The following AVEN variants were observed in gnomAD, a reference collection of about 807,000 sequenced individuals.
AVEN encodes the protein apoptosis and caspase activation inhibitor, also known as cell death regulator Aven.
AVEN carries 41 observed loss-of-function variants against 38.1 expected under a neutral mutation model. That is an observed-to-expected ratio of 1.08 (90% confidence interval 0.84 to 1.40). The LOEUF (loss-of-function observed/expected upper bound fraction) is 1.40, where lower values mean the gene tolerates loss of function less well. Among genes scored for constraint, AVEN ranks in the 40% most tolerant of loss-of-function variants. AVEN has a pLI of 0.00. For missense variants in AVEN, 605 were observed against 438.8 expected (o/e 1.38, Z -3.38); for synonymous variants, 206 against 171.8 (o/e 1.20, Z -1.56).
chr15:33,902,992 G>A (rs757030473), intron 2 of AVEN, among the ~76,000 whole-genome samples: 15 of 152,024 alleles, frequency 9.9e-5, no homozygotes, highest in Admixed American at 5.9e-4. Context: ...TCTTTTGGCC[G>A]CCAGGATCTG....
intron 2 of AVEN, among the ~76,000 whole-genome samples, chr15:33,946,533 G>T (rs1276763476): frequency 6.6e-6 from 1 of 152,158 alleles, no homozygotes; most frequent in Non-Finnish European, 1.5e-5. Context: ...TGCCCTCATG[G>T]AACTTACATT....
Position 33,916,046 on chromosome 15 carries a change from G to C in AVEN, c.446-40051C>G, listed in dbSNP as rs572752528. 3.9e-5 allele frequency among the ~76,000 whole-genome samples: 6 copies of C among 152,152 alleles called. No homozygotes were observed. The East Asian group carries it at 1.2e-3, about 29-fold the overall frequency. On this transcript the variant is annotated intron_variant, in intron 2 of 5. Transcript: ENST00000306730. ...CCCACCCACGGAGAGTCTGAGCTCA[G>C]ACACGCCCAACCCTGCTCCCATCTG...
At chr15:33,938,482 T>C (rs927120739) in intron 2 of AVEN, among the ~76,000 whole-genome samples, 1 of 151,642 alleles carries the variant, frequency 6.6e-6, no homozygotes, top group African/African-American at 2.4e-5. Context: ...AAATAAAAAA[T>C]AAAATTTAAA....
rs1227078806 is a variant in AVEN, at chr15:34,038,991, C to T, written c.56G>A (p.Arg19Gln). 2 of 1,116,602 alleles carry T rather than the reference C, an allele frequency of 1.8e-6. No individual in the cohort carries two copies. Among genetic ancestry groups the T allele is most frequent in the Non-Finnish European group, 1.1e-6 (1 of 916,538 alleles). The allele number at this position is 1,116,602 out of a possible 1,614,324, so 69.2% of individuals were successfully genotyped here. A position where few individuals can be genotyped will look rare whatever the true frequency, so the allele number is the denominator to read the frequency against. Residue 19 changes from arginine to glutamine, a missense_variant, in exon 1 of 6, where the codon CGG becomes CAG. By Grantham distance (43) the Arg-to-Gln change is conservative. Coordinates refer to ENST00000306730, the MANE Select transcript of AVEN (RefSeq NM_020371.3). ...CTCGCTGTGGCGATCTCCGCCAGGC[C>T]GGCCGCGGCCTGGCCGCCGCCCACG... ...GGRGRRPGRG[R>Q]PGGDRHSERP...
rs560309192 is a variant in AVEN at position 33,968,949 on chromosome 15, T to A, written c.445+34083A>T. ...TCACCCTTCTGGTTCTATAATCCTA[T>A]CCAAATGGAGTCTTCATCTACCGCA... is the stretch of plus-strand genomic sequence containing the variant. On this transcript the variant is annotated intron_variant, in intron 2 of 5. Coordinates refer to ENST00000306730, the MANE Select transcript of AVEN (RefSeq NM_020371.3). 6 of 152,158 alleles carry A rather than the reference T, an allele frequency of 3.9e-5. No homozygotes were observed. The South Asian group carries it at 1.2e-3, about 32-fold the overall frequency. 9.4% of individuals were successfully genotyped at this position (152,158 alleles called of 1,614,324 possible). A position where few individuals can be genotyped will look rare whatever the true frequency, so the allele number is the denominator to read the frequency against.
chr15:33,964,859 T>TG (rs1567437202), intron 2 of AVEN, among the ~76,000 whole-genome samples: 1 of 152,214 alleles, frequency 6.6e-6, no homozygotes, highest in Non-Finnish European at 1.5e-5. Context: ...ATGTTAGTCA[T>TG]GCTGGAGAGA....
chr15:34,011,197 A>C (rs1047442315), intron 1 of AVEN, among the ~76,000 whole-genome samples: 11 of 152,124 alleles, frequency 7.2e-5, no homozygotes, highest in African/African-American at 2.7e-4. Context: ...GTCTCAAAAA[A>C]AACTTTGTTT....
At chr15:33,987,203 T>C (rs1313058179) in intron 2 of AVEN, among the ~76,000 whole-genome samples, 3 of 152,370 alleles carry the variant, frequency 2.0e-5, no homozygotes, top group East Asian at 3.9e-4. Context: ...ACTCCACATA[T>C]GACAGTGACT....
chr15:33,994,530 T>A (rs865774049), intron 2 of AVEN, among the ~76,000 whole-genome samples: 1 of 152,050 alleles, frequency 6.6e-6, no homozygotes, highest in Non-Finnish European at 1.5e-5. Context: ...TGTGGAAAAA[T>A]TGTCTTCCAC....
chr15:33,931,579 C>T (rs1011168520), intron 2 of AVEN, among the ~76,000 whole-genome samples: 1 of 151,726 alleles, frequency 6.6e-6, no homozygotes, highest in Non-Finnish European at 1.5e-5. Flanking sequence ...ACTGTGTTAG[C>T]CAGGATGGTC....
At chr15:33,895,680 T>C (rs1185228752) in intron 2 of AVEN, among the ~76,000 whole-genome samples, 1 of 152,144 alleles carries the variant, frequency 6.6e-6, no homozygotes, top group Non-Finnish European at 1.5e-5. Flanking sequence ...CTGGTTTACC[T>C]ACCTCCAATA....
At chr15:33,967,061 C>G (rs955050400) in intron 2 of AVEN, among the ~76,000 whole-genome samples, 1 of 152,108 alleles carries the variant, frequency 6.6e-6, no homozygotes, top group African/African-American at 2.4e-5. Context: ...AATGACCAAT[C>G]ATTACCATAT....
chr15:34,046,287 G>A (rs571665694), intron 5 of AVEN, among the ~76,000 whole-genome samples: 2 of 146,298 alleles, frequency 1.4e-5, no homozygotes, highest in South Asian at 4.3e-4. Flanking sequence ...TTTGTGGAAA[G>A]ATCTGTCCAG....
rs200787567 is a variant in AVEN at position 34,072,456 on chromosome 15, C to CA, written n.721-1806dup. The stretch of plus-strand genomic sequence containing the variant: ...TGAAACCCCGTCTCTACTAAAAATA[C>CA]AAAAAAATTAGCTGGGTGTGGTGGT... On this transcript the variant is annotated intron_variant and non_coding_transcript_variant, in intron 1 of 11. Transcript: ENST00000675287. 7.0e-3 allele frequency among the ~76,000 whole-genome samples: 1,052 copies of CA among 150,182 alleles called. 16 individuals are homozygous for CA. The highest frequency in any genetic ancestry group is 0.024 in the African/African-American group (991 of 40,938).
intron 2 of AVEN, among the ~76,000 whole-genome samples, chr15:33,956,792 T>C (rs1324557686): frequency 6.6e-6 from 1 of 151,010 alleles, no homozygotes; most frequent in Non-Finnish European, 1.5e-5. Flanking sequence ...TTACATTAAG[T>C]TTTTGTTTTG....
intron 2 of AVEN, among the ~76,000 whole-genome samples, chr15:33,988,755 A>G (rs904981585): frequency 3.9e-5 from 6 of 152,372 alleles, no homozygotes; most frequent in Admixed American, 3.9e-4. Flanking sequence ...TACAGGGTTG[A>G]AAAAACTCCT....
chr15:33,914,770 T>A (rs924629505), intron 2 of AVEN, among the ~76,000 whole-genome samples: 31 of 151,826 alleles, frequency 2.0e-4, no homozygotes, highest in East Asian at 9.7e-4. Context: ...GATTTTTTTT[T>A]AAAAGTGTAG....
chr15:33,993,714 C>T (rs1450468060), intron 2 of AVEN, among the ~76,000 whole-genome samples: 5 of 152,186 alleles, frequency 3.3e-5, no homozygotes, highest in Non-Finnish European at 7.3e-5. Flanking sequence ...ACCACACCTG[C>T]TACCGGGCCC....
At chr15:33,871,293 G>A (rs1468292743) in intron 3 of AVEN, among the ~76,000 whole-genome samples, 8 of 152,170 alleles carry the variant, frequency 5.3e-5, no homozygotes, top group East Asian at 1.9e-4. Flanking sequence ...CAGGCTGGGC[G>A]CAGTGGCTCA....
Sources: allele counts gnomAD v4.1 joint callset (sites outside exome capture counted in the v4.1 genomes callset), GRCh38; gene constraint gnomAD v4.1.1; transcripts MANE v1.5; gene names NCBI Gene and HGNC (gene_info 2026-07-23, HGNC 2026-07-21).